Variants in UBR1 observed in about 807,000 individuals in gnomAD.
The protein encoded by UBR1 is E3 ubiquitin-protein ligase UBR1.
UBR1 carries 102 observed loss-of-function variants against 242.1 expected under a neutral mutation model. The ratio of observed to expected loss-of-function variants is 0.42; its 90% CI spans 0.36 to 0.50. The LOEUF is 0.50. UBR1 is among the 20% of genes least tolerant of loss of function. UBR1 has a pLI of 0.01. For synonymous variants in UBR1, 675 were observed against 684.8 expected (o/e 0.99, Z 0.22); for missense variants, 1,772 against 2,101.8 (o/e 0.84, Z 3.07).
At position 43,060,188 on chromosome 15, in the gene UBR1, A is replaced by G. The variant is rs976254117; in HGVS notation, c.799-74T>C. On this transcript the variant is annotated intron_variant, in intron 6 of 46. Transcript: ENST00000290650. ...TCAATAAGCAATATGTAGCCCAAAGACTTAATGAGCTCTTAACTGAGCTCT... is the reference window on the plus strand; with the variant it reads ...TCAATAAGCAATATGTAGCCCAAAGGCTTAATGAGCTCTTAACTGAGCTCT... 9.4e-6 allele frequency: 13 copies of G among 1,387,492 alleles called. No homozygotes were observed. The Admixed American group carries it at 2.2e-4, about 23-fold the overall frequency. 85.9% of individuals were successfully genotyped at this position (1,387,492 alleles called of 1,614,324 possible).
At chr15:42,993,775 T>C (rs1228511015) in intron 33 of UBR1, among the ~76,000 whole-genome samples, 1 of 151,954 alleles carries the variant, frequency 6.6e-6, no homozygotes, top group African/African-American at 2.4e-5. Context: ...GAGGCGGTGG[T>C]TGCAGTGAGC....
rs371368215 is a variant in UBR1 at position 43,016,002 on chromosome 15, T to C, written c.3028-133A>G. On this transcript the variant is annotated intron_variant, in intron 28 of 46. Coordinates refer to ENST00000290650, the MANE Select transcript of UBR1 (RefSeq NM_174916.3). ...CCCTTACATCCTGGATTCAGTTTAATGTTTCAAAATTAGCATTACAGGCTG... is the reference window on the plus strand; with the variant it reads ...CCCTTACATCCTGGATTCAGTTTAACGTTTCAAAATTAGCATTACAGGCTG... The C allele has an allele frequency of 9.0e-5, 68 of 759,108 alleles. No homozygotes were observed. In the East Asian group the frequency reaches 9.6e-4, roughly 11 times the overall value. 47.0% of individuals were successfully genotyped at this position (759,108 alleles called of 1,614,324 possible).
At chr15:42,985,374 C>T (rs1280362643) in intron 35 of UBR1, among the ~76,000 whole-genome samples, 8 of 151,778 alleles carry the variant, frequency 5.3e-5, no homozygotes, top group Non-Finnish European at 1.2e-4. Context: ...TTTTTTGAGA[C>T]AGACTTTCGC....
At chr15:42,993,185 A>C (rs1450789392) in intron 33 of UBR1, among the ~76,000 whole-genome samples, 1 of 152,122 alleles carries the variant, frequency 6.6e-6, no homozygotes, top group Non-Finnish European at 1.5e-5. Context: ...TTCTTGAGTG[A>C]AAGTTGGGAA....
At chr15:42,975,698 T>C (rs1207536861) in intron 39 of UBR1, among the ~76,000 whole-genome samples, 3 of 151,962 alleles carry the variant, frequency 2.0e-5, no homozygotes, top group Non-Finnish European at 4.4e-5. Flanking sequence ...GTTTTTTTTT[T>C]CTTCTTTTTT....
At chr15:43,101,345 A>C (rs2034231787) in intron 1 of UBR1, among the ~76,000 whole-genome samples, 3 of 152,228 alleles carry the variant, frequency 2.0e-5, no homozygotes, top group Admixed American at 2.0e-4. Context: ...CAGTGGAAGC[A>C]AACAGACCAG....
At chr15:43,097,615 C>G (rs547036776) in intron 1 of UBR1, among the ~76,000 whole-genome samples, 1 of 152,372 alleles carries the variant, frequency 6.6e-6, no homozygotes, top group Non-Finnish European at 1.5e-5. Flanking sequence ...TCTTCTCCAT[C>G]AATCAGCACT....
chr15:42,987,739 T>C (rs1330809996), intron 35 of UBR1, among the ~76,000 whole-genome samples: 6 of 135,164 alleles, frequency 4.4e-5, no homozygotes, highest in Non-Finnish European at 8.0e-5. Flanking sequence ...AAAAAAAATA[T>C]GGCTTCATGC....
intron 6 of UBR1, among the ~76,000 whole-genome samples, chr15:43,061,198 C>T (rs1026156296): frequency 3.9e-5 from 6 of 152,132 alleles, no homozygotes; most frequent in Non-Finnish European, 7.4e-5. Context: ...ATTGGAGCTC[C>T]GAGCTCTGAC....
intron 28 of UBR1, 60 bp from the exon 29 acceptor site, chr15:43,015,929 G>C (rs2033017584): frequency 1.3e-6 from 2 of 1,500,856 alleles, no homozygotes; most frequent in Middle Eastern, 2.0e-4. Flanking sequence ...TATATACGCT[G>C]TTTGGATGGC....
chr15:43,009,043 C>G (rs2032876679), intron 29 of UBR1, among the ~76,000 whole-genome samples: 1 of 152,208 alleles, frequency 6.6e-6, no homozygotes, highest in Non-Finnish European at 1.5e-5. Flanking sequence ...AACTCGGGAA[C>G]CACCAAATGG....
At chr15:43,047,901 G>C (rs1252589029) in intron 13 of UBR1, among the ~76,000 whole-genome samples, 1 of 152,162 alleles carries the variant, frequency 6.6e-6, no homozygotes, top group East Asian at 1.9e-4. Flanking sequence ...TAAGTATTCA[G>C]CAAACATTAA....
In UBR1 at chr15:43,054,989, A is replaced by G. The variant is rs146287001; in HGVS notation, c.1282-90T>C. The G allele has an allele frequency of 2.8e-4, 392 of 1,386,492 alleles. No homozygotes were observed. The African/African-American group carries it at 5.0e-3, about 18-fold the overall frequency. The allele number at this position is 1,386,492 out of a possible 1,614,324, so 85.9% of individuals were successfully genotyped here. A position where few individuals can be genotyped will look rare whatever the true frequency, so the allele number is the denominator to read the frequency against. The stretch of plus-strand genomic sequence containing the variant: ...CATTCATTTGGTTAGTCAGTATGTC[A>G]TTTTTAATAAATGTTTGTTATTGAA... On this transcript the variant is annotated intron_variant, in intron 11 of 46. Transcript: ENST00000290650.
intron 5 of UBR1, among the ~76,000 whole-genome samples, chr15:43,070,101 C>A (rs2033806280): frequency 6.6e-6 from 1 of 151,842 alleles, no homozygotes; most frequent in Non-Finnish European, 1.5e-5. Context: ...TTGTGAAAAT[C>A]CTAATATTAC....
At chr15:42,949,810 A>T (rs2031799733) in intron 46 of UBR1, among the ~76,000 whole-genome samples, 2 of 151,522 alleles carry the variant, frequency 1.3e-5, no homozygotes, top group Non-Finnish European at 2.9e-5. Flanking sequence ...CAAAATAAAT[A>T]AATAAATAAA....
At chr15:43,044,290 G>A (rs1318024258) in intron 14 of UBR1, among the ~76,000 whole-genome samples, 1 of 152,194 alleles carries the variant, frequency 6.6e-6, no homozygotes, top group African/African-American at 2.4e-5. Context: ...GTAGATTGGA[G>A]AGGATAAAGT....
At chr15:43,056,757 C>T (rs1046607813) in intron 10 of UBR1, among the ~76,000 whole-genome samples, 5 of 152,110 alleles carry the variant, frequency 3.3e-5, no homozygotes, top group African/African-American at 1.2e-4. Context: ...TTTATCCTTT[C>T]TCCAAACAGA....
At chr15:43,004,982 GCCA>G (rs1176672426) in intron 30 of UBR1, among the ~76,000 whole-genome samples, 1 of 149,224 alleles carries the variant, frequency 6.7e-6, no homozygotes, top group Non-Finnish European at 1.5e-5. Context: ...GAGCACCTCT[GCCA>G]CGCCGCCCCA....
chr15:42,945,275 A>C lies in UBR1; in HGVS notation c.*54T>G. 1 of 1,613,610 alleles carries C rather than the reference A, an allele frequency of 6.2e-7. No homozygotes were observed. The highest frequency in any genetic ancestry group is 8.5e-7 in the Non-Finnish European group (1 of 1,179,772). ...CCTCAGAAAGTTTTCCATAATTTTG[A>C]ATCAGCCTTTACTACTGTCGTCATT... On this transcript the variant is annotated 3_prime_UTR_variant, in exon 47 of 47. Coordinates refer to ENST00000290650, the MANE Select transcript of UBR1 (RefSeq NM_174916.3).
Sources: gnomAD v4.1 joint callset for allele counts (sites outside exome capture counted in the v4.1 genomes callset) on GRCh38, gnomAD v4.1.1 for gene constraint, MANE v1.5 for transcripts, NCBI Gene and HGNC (gene_info 2026-07-23, HGNC 2026-07-21) for gene names.